ZNF469: variants seen among roughly 807,000 people sequenced by gnomAD.
ZNF469 encodes zinc finger protein 469.
ZNF469 carries 1 observed loss-of-function variant against 1.0 expected under a neutral mutation model. The ratio of observed to expected loss-of-function variants is 1.00; its 90% CI spans 0.35 to 4.73. The LOEUF (loss-of-function observed/expected upper bound fraction) is 4.73. Among genes scored for constraint, ZNF469 ranks in the 30% most tolerant of loss-of-function variants. ZNF469 has a pLI of 0.16. For synonymous variants in ZNF469, 2,703 were observed against 2,363.4 expected (o/e 1.14, Z -4.17); for missense variants, 6,100 against 5,356.3 (o/e 1.14, Z -4.33).
At chr16:88,119,149 T>G in the ZNF469 span, among the ~76,000 whole-genome samples, 1 of 152,248 alleles carries the variant, frequency 6.6e-6, no homozygotes, top group Non-Finnish European at 1.5e-5. Context: ...TGAGGAGTTG[T>G]GAGCTTGAAA....
the ZNF469 span, among the ~76,000 whole-genome samples, chr16:88,231,502 C>T: frequency 1.3e-5 from 2 of 152,332 alleles, no homozygotes; most frequent in East Asian, 3.9e-4. The surrounding 1 kb of genome is among the most constrained non-coding windows in gnomAD (Gnocchi z 4.5). Context: ...GTCTGGCACA[C>T]ACCTCGCTGG....
chr16:88,315,637 A>G, the ZNF469 span, among the ~76,000 whole-genome samples: 1 of 152,184 alleles, frequency 6.6e-6, no homozygotes, highest in East Asian at 1.9e-4. Flanking sequence ...ATCCTAGTCC[A>G]GGGCTGGGGA....
chr16:88,331,081 CCAT>C, the ZNF469 span, among the ~76,000 whole-genome samples: 1 of 151,052 alleles, frequency 6.6e-6, no homozygotes, highest in Admixed American at 6.6e-5. Context: ...ACCACCACCA[CCAT>C]CACCACTATC....
In ZNF469 at chr16:88,436,770, G is replaced by A; in HGVS notation, c.9300G>A (p.Arg3100=). 1 of 1,546,642 alleles carries A rather than the reference G, an allele frequency of 6.5e-7. No individual in the cohort carries two copies. The highest frequency in any genetic ancestry group is 1.2e-5 in the South Asian group (1 of 84,024). ...RRTEEAAGAG[R]AQGRGRPAKG... is the part of the protein sequence containing the mutation. ...CAGAGGAGGCTGCAGGGGCAGGGAGGGCCCAAGGCAGAGGCCGGCCGGCCA... is the reference window on the plus strand; with the variant it reads ...CAGAGGAGGCTGCAGGGGCAGGGAGAGCCCAAGGCAGAGGCCGGCCGGCCA... Residue 3100 remains arginine (R), a synonymous_variant, in exon 3 of 3, where the codon AGG becomes AGA. Coordinates refer to ENST00000565624, the MANE Select transcript of ZNF469 (RefSeq NM_001367624.2).
intron 1 of ZNF469, among the ~76,000 whole-genome samples, chr16:88,401,854 G>A (rs2142274931): frequency 6.6e-6 from 1 of 151,476 alleles, no homozygotes; most frequent in East Asian, 2.0e-4. Context: ...ATGGATACAA[G>A]GGTGGAGGAA....
At chr16:88,412,687 C>T (rs937623608) in intron 1 of ZNF469, among the ~76,000 whole-genome samples, 2 of 152,148 alleles carry the variant, frequency 1.3e-5, no homozygotes, top group Non-Finnish European at 2.9e-5. Flanking sequence ...TCAATATACC[C>T]GAAAGAGCGA....
At chr16:88,322,397 G>T in the ZNF469 span, among the ~76,000 whole-genome samples, 1 of 152,354 alleles carries the variant, frequency 6.6e-6, no homozygotes, top group East Asian at 1.9e-4. Flanking sequence ...CTGCTCTCGC[G>T]GTCTCGGGAG....
At position 88,430,377 on chromosome 16, in the gene ZNF469, G is replaced by C. The variant is rs1567510964; in HGVS notation, c.2907G>C (p.Ser969=). 1 of 1,516,112 alleles carries C rather than the reference G, an allele frequency of 6.6e-7. No homozygotes were observed. Among genetic ancestry groups the C allele is most frequent in the Non-Finnish European group, 8.8e-7 (1 of 1,135,744 alleles). The allele number at this position is 1,516,112 out of a possible 1,614,324, so 93.9% of individuals were successfully genotyped here. The change falls in exon 3 of 3, where the codon TCG becomes TCC. Residue 969 remains serine, a synonymous_variant. Transcript: ENST00000565624. ...GCGGCGCAGCAGAGGGGTCGGGGTC[G>C]GGCGGCGGCGGCAGAGCCTCCGGCC... is the stretch of plus-strand genomic sequence containing the variant. ...DSGGAAEGSG[S]GGGGRASGLR...
the ZNF469 span, among the ~76,000 whole-genome samples, chr16:88,166,691 C>T: frequency 4.6e-5 from 7 of 151,486 alleles, no homozygotes; most frequent in South Asian, 8.3e-4. The surrounding 1 kb of genome is among the most constrained non-coding windows in gnomAD (Gnocchi z 4.5). Context: ...CTGGGTGAGG[C>T]GTTTTTCAAG....
At chr16:88,368,101 C>T in the ZNF469 span, among the ~76,000 whole-genome samples, 5 of 152,248 alleles carry the variant, frequency 3.3e-5, no homozygotes, top group Non-Finnish European at 7.3e-5. Flanking sequence ...AGAACAATCC[C>T]GCGCTTATAT....
At chr16:88,350,350 C>A in the ZNF469 span, among the ~76,000 whole-genome samples, 1 of 152,242 alleles carries the variant, frequency 6.6e-6, no homozygotes, top group East Asian at 1.9e-4. Flanking sequence ...CCAGCACAAG[C>A]GCCACATCCC....
At chr16:88,286,304 G>A in the ZNF469 span, among the ~76,000 whole-genome samples, 159 of 152,330 alleles carry the variant, frequency 1.0e-3, 1 homozygote, top group African/African-American at 3.5e-3. Context: ...AGATTGATTC[G>A]CTCCTTGGAG....
the ZNF469 span, among the ~76,000 whole-genome samples, chr16:88,204,236 T>C: frequency 7.6e-5 from 11 of 145,554 alleles, no homozygotes; most frequent in African/African-American, 2.1e-4. Flanking sequence ...CGTAACCCCA[T>C]AGAGCAGCGG....
At chr16:88,350,412 C>T in the ZNF469 span, among the ~76,000 whole-genome samples, 2 of 152,278 alleles carry the variant, frequency 1.3e-5, no homozygotes, top group Non-Finnish European at 2.9e-5. Context: ...TGGCCAGAAT[C>T]GCCTAGGGGA....
intron 2 of ZNF469, among the ~76,000 whole-genome samples, chr16:88,425,101 C>T (rs1026608388): frequency 3.3e-5 from 5 of 152,190 alleles, no homozygotes; most frequent in Admixed American, 2.0e-4. Context: ...TCATGGCAGC[C>T]GCTGAGCCAG....
chr16:88,332,070 G>A, the ZNF469 span, among the ~76,000 whole-genome samples: 1 of 152,208 alleles, frequency 6.6e-6, no homozygotes, highest in African/African-American at 2.4e-5. Context: ...TTGGCAGATA[G>A]CTTTCCTCAC....
chr16:88,251,980 G>A, the ZNF469 span, among the ~76,000 whole-genome samples: 24 of 150,958 alleles, frequency 1.6e-4, no homozygotes, highest in African/African-American at 5.3e-4. Flanking sequence ...TCAGATTTAG[G>A]GTCTCGGTGT....
At chr16:88,151,321 C>T in the ZNF469 span, among the ~76,000 whole-genome samples, 2 of 152,260 alleles carry the variant, frequency 1.3e-5, no homozygotes, top group Non-Finnish European at 2.9e-5. The surrounding 1 kb of genome is among the most constrained non-coding windows in gnomAD (Gnocchi z 5.4). Context: ...TCCACGTGGT[C>T]AGCCAGCCTG....
rs1433203441 is a variant in ZNF469 at position 88,428,351 on chromosome 16, G to A, written c.881G>A (p.Gly294Glu). The change falls in exon 3 of 3, where the codon GGG becomes GAG. Residue 294 changes from glycine (G) to glutamate (E), a missense_variant. Coordinates refer to ENST00000565624, the MANE Select transcript of ZNF469 (RefSeq NM_001367624.2). Reference sequence around the variant, plus strand: ...AAACCCTTCCCTGCGGATGTGGCTGGGCACGCATTCACCAATGGGCCACTG... The same window carrying A: ...AAACCCTTCCCTGCGGATGTGGCTGAGCACGCATTCACCAATGGGCCACTG... ...STKPFPADVA[G>E]HAFTNGPLVF... is the part of the protein sequence containing the mutation. 3.2e-6 allele frequency: 5 copies of A among 1,549,228 alleles called. No homozygotes were observed. Among genetic ancestry groups the A allele is most frequent in the Non-Finnish European group, 3.5e-6 (4 of 1,146,914 alleles).
Sources: allele counts gnomAD v4.1 joint callset (sites outside exome capture counted in the v4.1 genomes callset), GRCh38; gene constraint gnomAD v4.1.1; non-coding constraint Gnocchi (gnomAD v3.1); transcripts MANE v1.5; gene names NCBI Gene and HGNC (gene_info 2026-07-23, HGNC 2026-07-21).